Variants in DCLK2 observed in about 807,000 individuals in gnomAD.
DCLK2 encodes the protein serine/threonine-protein kinase DCLK2.
DCLK2 carries 31 observed loss-of-function variants against 78.4 expected under a neutral mutation model. The ratio of observed to expected loss-of-function variants is 0.40; its 90% confidence interval spans 0.30 to 0.53. The LOEUF (loss-of-function observed/expected upper bound fraction) is 0.53, where lower values mean the gene tolerates loss of function less well. Ranked by LOEUF, DCLK2 falls within the 20% of genes least tolerant of loss-of-function variation. The probability of loss-of-function intolerance (pLI) is 0.61; values close to 1 mark genes in which losing one functional copy is unlikely to be tolerated. For synonymous variants in DCLK2, 407 were observed against 374.9 expected (o/e 1.09, Z -0.99); for missense variants, 872 against 973.7 (o/e 0.90, Z 1.39).
At chr4:150,098,297 G>A (rs1472465271) in intron 1 of DCLK2, among the ~76,000 whole-genome samples, 1 of 152,124 alleles carries the variant, frequency 6.6e-6, no homozygotes, top group African/African-American at 2.4e-5. Flanking sequence ...CAGTGACCTT[G>A]TTTTTGTGTC....
At chr4:150,093,906 A>C (rs1400616324) in intron 1 of DCLK2, among the ~76,000 whole-genome samples, 1 of 152,238 alleles carries the variant, frequency 6.6e-6, no homozygotes, top group Admixed American at 6.5e-5. Flanking sequence ...AAATAAACTC[A>C]AATATGTATG....
Position 150,253,212 on chromosome 4 carries a change from A to G in DCLK2, c.2074-2808A>G, listed in dbSNP as rs113032754. On this transcript the variant is annotated intron_variant, in intron 15 of 15. Transcript: ENST00000296550. ...TAACCTCAAAATGACTCTCCCTGGT[A>G]CTCATAGGTCCTCATAACTGAGACT... The G allele has an allele frequency of 3.7e-3, 1,906 of 514,372 alleles. 24 individuals are homozygous for G. Among genetic ancestry groups the G allele is most frequent in the African/African-American group, 0.034 (1,743 of 51,926 alleles). The allele number at this position is 514,372 out of a possible 1,614,324, so 31.9% of individuals were successfully genotyped here.
intron 3 of DCLK2, 125 bp from the exon 4 acceptor site, chr4:150,197,877 T>C (rs1739170256): frequency 3.1e-6 from 2 of 650,162 alleles, no homozygotes; most frequent in Non-Finnish European, 5.1e-6. Context: ...CTTTGTATGT[T>C]AAATTGTTTA....
intron 2 of DCLK2, among the ~76,000 whole-genome samples, chr4:150,133,635 C>T (rs115059896): frequency 6.6e-6 from 1 of 152,256 alleles, no homozygotes; most frequent in South Asian, 2.1e-4. Flanking sequence ...GAAAAAGTTC[C>T]TGTGTCAACA....
intron 13 of DCLK2, 97 bp downstream of exon 13, chr4:150,247,796 G>A: frequency 1.1e-6 from 1 of 932,756 alleles, no homozygotes; most frequent in Non-Finnish European, 1.6e-6. Flanking sequence ...ATTCCAGAAA[G>A]CTCCTTGGCT....
At chr4:150,208,137 G>A (rs1739987367) in intron 5 of DCLK2, among the ~76,000 whole-genome samples, 1 of 152,192 alleles carries the variant, frequency 6.6e-6, no homozygotes, top group African/African-American at 2.4e-5. Context: ...CAGGAATCTT[G>A]CTCAGGCCTC....
intron 2 of DCLK2, among the ~76,000 whole-genome samples, chr4:150,154,505 A>G (rs1046233378): frequency 1.7e-4 from 26 of 152,182 alleles, no homozygotes; most frequent in African/African-American, 6.3e-4. Flanking sequence ...TTCATTTTAT[A>G]AAGATTTAAA....
chr4:150,224,700 A>G (rs1741466108), intron 8 of DCLK2, 142 bp downstream of exon 8: 1 of 577,354 alleles, frequency 1.7e-6, no homozygotes, highest in East Asian at 3.0e-5. Flanking sequence ...AAAACAGTTA[A>G]GCGGTTTTAT....
At chr4:150,251,982 G>C (rs1157971147) in intron 15 of DCLK2, among the ~76,000 whole-genome samples, 1 of 152,070 alleles carries the variant, frequency 6.6e-6, no homozygotes, top group Non-Finnish European at 1.5e-5. Context: ...TTTGCAAGCT[G>C]AGTCTTTTGA....
rs900079210 is a variant in DCLK2, at chr4:150,194,902, C to T, written c.859+1662C>T. ...TTCCTTGTGTCATTACTTCTTGTTG[C>T]ACTGTGTCAGTCATTCATGAGCTTG... On this transcript the variant is annotated intron_variant, in intron 3 of 15. Coordinates refer to ENST00000296550, the MANE Select transcript of DCLK2 (RefSeq NM_001040260.4). Among the ~76,000 whole-genome samples, 3 of 151,526 alleles carry T rather than the reference C, an allele frequency of 2.0e-5. No homozygotes were observed. In the Admixed American group the frequency reaches 2.0e-4, roughly 10 times the overall value.
chr4:150,249,645 C>T lies in DCLK2; in HGVS notation c.2034C>T (p.Pro678=). ...AACAGCACTTTAATAATGCGCTCCCCAAACAGAACAGCACTACCACCGGGG... is the reference window on the plus strand; with the variant it reads ...AACAGCACTTTAATAATGCGCTCCCTAAACAGAACAGCACTACCACCGGGG... ...KLKQHFNNAL[P]KQNSTTTGVS... Residue 678 remains proline (P), a synonymous_variant, in exon 15 of 16, where the codon CCC becomes CCT. Transcript: ENST00000296550. The T allele has an allele frequency of 6.2e-7, 1 of 1,613,734 alleles. No individual in the cohort carries two copies. Among genetic ancestry groups the T allele is most frequent in the Non-Finnish European group, 8.5e-7 (1 of 1,179,954 alleles).
At chr4:150,154,780 G>A (rs1369695003) in intron 2 of DCLK2, among the ~76,000 whole-genome samples, 2 of 152,086 alleles carry the variant, frequency 1.3e-5, no homozygotes, top group African/African-American at 4.8e-5. Context: ...AGCTTTACTG[G>A]AGTATAATTT....
chr4:150,236,571 C>T (rs890902858), intron 10 of DCLK2, among the ~76,000 whole-genome samples: 4 of 152,176 alleles, frequency 2.6e-5, no homozygotes, highest in Admixed American at 6.5e-5. Flanking sequence ...TGAACTCTGC[C>T]AGAAAGCCTT....
chr4:150,217,540 G>A lies in DCLK2; in HGVS notation c.1057-3163G>A, dbSNP rs143429927. On this transcript the variant is annotated intron_variant, in intron 5 of 15. Coordinates refer to ENST00000296550, the MANE Select transcript of DCLK2 (RefSeq NM_001040260.4). Reference sequence around the variant, plus strand: ...GTCAGCACCTATCCTGAAATGCAGAGGTTTCACTGAAGGTATTAAGCTTAG... The same window carrying A: ...GTCAGCACCTATCCTGAAATGCAGAAGTTTCACTGAAGGTATTAAGCTTAG... Among the ~76,000 whole-genome samples the A allele has an allele frequency of 4.2e-3, 633 of 152,250 alleles. 3 individuals are homozygous for A. Among genetic ancestry groups the A allele is most frequent in the African/African-American group, 0.014 (572 of 41,532 alleles).
intron 2 of DCLK2, among the ~76,000 whole-genome samples, chr4:150,157,653 T>C (rs1735406437): frequency 6.6e-6 from 1 of 151,948 alleles, no homozygotes; most frequent in African/African-American, 2.4e-5. Context: ...GCTAGGCTTA[T>C]AGGCATGTAC....
chr4:150,194,390 G>T (rs1344781139), intron 3 of DCLK2, among the ~76,000 whole-genome samples: 1 of 152,122 alleles, frequency 6.6e-6, no homozygotes, highest in Non-Finnish European at 1.5e-5. Flanking sequence ...CTTCTCGAAT[G>T]TATCCTCATG....
chr4:150,223,700 CGCCATT>C (rs1246542175), intron 7 of DCLK2, among the ~76,000 whole-genome samples: 1 of 151,884 alleles, frequency 6.6e-6, no homozygotes, highest in African/African-American at 2.4e-5. Context: ...GCCAAGATTG[CGCCATT>C]GCACTCCAGC....
intron 1 of DCLK2, among the ~76,000 whole-genome samples, chr4:150,092,666 A>C (rs1430452546): frequency 6.6e-6 from 1 of 152,062 alleles, no homozygotes. Flanking sequence ...TATTTCTTAT[A>C]CTTTTTGAAT....
intron 4 of DCLK2, among the ~76,000 whole-genome samples, chr4:150,201,631 G>A (rs995920357): frequency 2.6e-5 from 4 of 152,098 alleles, no homozygotes; most frequent in African/African-American, 4.8e-5. Flanking sequence ...CTGATCTACT[G>A]CAGAGATCGC....
Sources: gnomAD v4.1 joint callset for allele counts (sites outside exome capture counted in the v4.1 genomes callset) on GRCh38, gnomAD v4.1.1 for gene constraint, MANE v1.5 for transcripts, NCBI Gene and HGNC (gene_info 2026-07-23, HGNC 2026-07-21) for gene names.